TMC8: variants seen among roughly 807,000 people sequenced by gnomAD.
TMC8 encodes the protein transmembrane channel like 8.
A neutral mutation model predicts 76.0 loss-of-function variants in TMC8; 71 were observed. The observed-to-expected ratio is 0.93, with a 90% CI of 0.77 to 1.14. TMC8 has a LOEUF of 1.14. TMC8 is among the 50% of genes most tolerant of loss of function. TMC8 has a pLI of 0.00. For synonymous variants in TMC8, 433 were observed against 433.8 expected, an observed-to-expected ratio of 1.00 and a Z score of 0.02; for missense variants, 924 against 947.9, an observed-to-expected ratio of 0.97 and a Z score of 0.33.
chr17:78,130,945 C>A, intron 1 of TMC8, 94 bp downstream of exon 1: 1 of 165,252 alleles, frequency 6.1e-6, no homozygotes, highest in Non-Finnish European at 1.3e-5. Flanking sequence ...GTCCCTGCTC[C>A]TGTCCCCACG....
chr17:78,142,682 G>T lies in TMC8; in HGVS notation c.*1570G>T, dbSNP rs1032570235. ...TGAAAGTGACTCATGTTGTTAATTA[G>T]CGGCTTAGGGCCAAAGGTGGCCCCT... On this transcript the variant is annotated 3_prime_UTR_variant, in exon 16 of 16. Transcript: ENST00000318430. 1.3e-5 allele frequency: 2 copies of T among 152,278 alleles called. No individual in the cohort carries two copies. The highest frequency in any genetic ancestry group is 1.3e-4 in the Admixed American group (2 of 15,276). 9.4% of individuals were successfully genotyped at this position (152,278 alleles called of 1,614,324 possible).
intron 4 of TMC8, 87 bp downstream of exon 4, chr17:78,132,595 C>T: frequency 1.3e-6 from 2 of 1,546,228 alleles, no homozygotes; most frequent in African/African-American, 2.7e-5. Context: ...GTGGCGACAA[C>T]GCTGGGCGTG....
At chr17:78,132,962 TC>T in intron 5 of TMC8, 92 bp downstream of exon 5, 1 of 1,421,074 alleles carries the variant, frequency 7.0e-7, no homozygotes, top group Non-Finnish European at 9.9e-7. Flanking sequence ...CCTCTGCTCC[TC>T]CAGGGACATT....
intron 6 of TMC8, 81 bp from the exon 7 acceptor site, chr17:78,133,772 C>T: frequency 1.2e-6 from 2 of 1,602,712 alleles, no homozygotes; most frequent in South Asian, 1.1e-5. Context: ...GGGGCCTTCC[C>T]AGACCCAGAG....
At position 78,138,371 on chromosome 17, in the gene TMC8, G is replaced by C; in HGVS notation, c.1556G>C (p.Arg519Thr). The change falls in exon 13 of 16, where the codon AGG becomes ACG. Residue 519 changes from arginine to threonine, a missense_variant. Transcript: ENST00000318430. ...IKKYTLLKNS[R>T]ASSRPFRASS... ...CAGTACACCCTCCTGAAGAACTCCA[G>C]GGCATCTTCGCGGCCCTTCCGTGCC... is the stretch of plus-strand genomic sequence containing the variant. The C allele has an allele frequency of 6.2e-7, 1 of 1,611,416 alleles. No homozygotes were observed. The highest frequency in any genetic ancestry group is 1.3e-5 in the African/African-American group (1 of 75,042).
chr17:78,140,854 C>T lies in TMC8; in HGVS notation c.1923C>T (p.His641=). The T allele has an allele frequency of 1.2e-6, 2 of 1,609,598 alleles. No homozygotes were observed. The highest frequency in any genetic ancestry group is 1.7e-6 in the Non-Finnish European group (2 of 1,178,718). ...CACAGCAGGTTCAGGAGAAGTGGCA[C>T]CTGGTGGAGGACCTGTCGCGACTGC... ...QLVWQVQEKW[H]LVEDLSRLLP... The change falls in exon 16 of 16, where the codon CAC becomes CAT. Residue 641 remains histidine, a synonymous_variant. Coordinates refer to ENST00000318430, the MANE Select transcript of TMC8 (RefSeq NM_152468.5).
chr17:78,139,283 G>A lies in TMC8; in HGVS notation c.1902+43G>A, dbSNP rs747001989. On this transcript the variant is annotated intron_variant, in intron 15 of 15. Coordinates refer to ENST00000318430, the MANE Select transcript of TMC8 (RefSeq NM_152468.5). ...TGGTGAGGGGACAGCAGCTTCAGTGGAAACCCTTCCCTATGTGTGGCCGAG... is the reference window on the plus strand; with the variant it reads ...TGGTGAGGGGACAGCAGCTTCAGTGAAAACCCTTCCCTATGTGTGGCCGAG... 10 of 1,607,814 alleles carry A rather than the reference G, an allele frequency of 6.2e-6. No individual in the cohort carries two copies. In the African/African-American group the frequency reaches 1.3e-4, roughly 21 times the overall value.
Position 78,131,213 on chromosome 17 carries a change from C to T in TMC8, c.-308-68C>T, listed in dbSNP as rs1292731215. 5 of 375,652 alleles carry T rather than the reference C, an allele frequency of 1.3e-5. No individual in the cohort carries two copies. The Admixed American group carries it at 2.0e-4, about 15-fold the overall frequency. 23.3% of individuals were successfully genotyped at this position (375,652 alleles called of 1,614,324 possible). On this transcript the variant is annotated intron_variant, in intron 1 of 15. Transcript: ENST00000318430. ...CAGGTGGATGCGGGGTGCAGCAGGTCTTGGCTTTCTTTGCCTGTGCCGGTC... is the reference window on the plus strand; with the variant it reads ...CAGGTGGATGCGGGGTGCAGCAGGTTTTGGCTTTCTTTGCCTGTGCCGGTC...
chr17:78,135,075 G>C (rs539902688), intron 9 of TMC8, 66 bp downstream of exon 9: 1 of 1,606,234 alleles, frequency 6.2e-7, no homozygotes, highest in South Asian at 1.1e-5. Flanking sequence ...GCTCTCTTTT[G>C]GTTGTCACCT....
intron 9 of TMC8, chr17:78,136,776 C>G (rs185601088): frequency 5.2e-5 from 16 of 310,376 alleles, no homozygotes; most frequent in South Asian, 3.6e-4. Context: ...AAAACAGAAC[C>G]CTTGGCCAGG....
At chr17:78,137,078 A>G (rs1213899009) in intron 9 of TMC8, 157 bp from the exon 10 acceptor site, 1 of 1,152,878 alleles carries the variant, frequency 8.7e-7, no homozygotes, top group Non-Finnish European at 1.2e-6. Flanking sequence ...CTGAGAACGC[A>G]CTTTGGACCA....
Position 78,132,350 on chromosome 17 carries a change from C to A in TMC8, c.299-9C>A. 6.2e-7 allele frequency: 1 copy of A among 1,612,694 alleles called. No individual in the cohort carries two copies. The highest frequency in any genetic ancestry group is 8.5e-7 in the Non-Finnish European group (1 of 1,179,682). On this transcript the variant is annotated splice_polypyrimidine_tract_variant and intron_variant, in intron 3 of 15. Transcript: ENST00000318430. ...GGCCTCCCTGACCCACCCTGCTCTC[C>A]CACTGCAGGCCTCTTCGGCACAGGA...
chr17:78,131,793 C>CG, intron 2 of TMC8, 56 bp downstream of exon 2: 1 of 1,537,518 alleles, frequency 6.5e-7, no homozygotes, highest in African/African-American at 1.4e-5. Flanking sequence ...GAGGCTGCCC[C>CG]GTCGGATGGT....
chr17:78,134,989 G>C lies in TMC8; in HGVS notation c.1107G>C (p.Glu369Asp). 1 of 1,613,892 alleles carries C rather than the reference G, an allele frequency of 6.2e-7. No homozygotes were observed. The highest frequency in any genetic ancestry group is 1.1e-5 in the South Asian group (1 of 91,076). ...VQLENYPPNT[E>D]VNLTLIWCVV... The stretch of plus-strand genomic sequence containing the variant: ...TGGAGAACTACCCTCCCAACACGGA[G>C]GTCAACCTCACTCTGATCTGGTGAG... Residue 369 changes from glutamate (E) to aspartate (D), a missense_variant, in exon 9 of 16, where the codon GAG becomes GAC. Physicochemically the swap from Glu to Asp is conservative, Grantham distance 45. Coordinates refer to ENST00000318430, the MANE Select transcript of TMC8 (RefSeq NM_152468.5).
rs2075386534 is a variant in TMC8 at position 78,142,337 on chromosome 17, TC to T, written c.*1228del. On this transcript the variant is annotated 3_prime_UTR_variant, in exon 16 of 16. Transcript: ENST00000318430. ...AACTGTCAGGAGGGAAGGTCAGAAG[TC>T]CCAGGATGCACTTGAAAAGCCTCTA... is the stretch of plus-strand genomic sequence containing the variant. The T allele has an allele frequency of 6.6e-6, 1 of 152,198 alleles. No homozygotes were observed. Among genetic ancestry groups the T allele is most frequent in the Non-Finnish European group, 1.5e-5 (1 of 68,046 alleles). 9.4% of individuals were successfully genotyped at this position (152,198 alleles called of 1,614,324 possible).
intron 9 of TMC8, among the ~76,000 whole-genome samples, chr17:78,135,669 G>A (rs1434837286): frequency 6.6e-6 from 1 of 152,138 alleles, no homozygotes; most frequent in Non-Finnish European, 1.5e-5. Flanking sequence ...GCTCCCACTG[G>A]CTTCTCTCCC....
chr17:78,140,745 A>AT, intron 15 of TMC8, 89 bp from the exon 16 acceptor site: 3 of 1,528,982 alleles, frequency 2.0e-6, no homozygotes, highest in Non-Finnish European at 2.7e-6. Context: ...GGGCTGGCCC[A>AT]TGGGCCGCAG....
At chr17:78,132,995 T>C in intron 5 of TMC8, 125 bp downstream of exon 5, 3 of 1,115,812 alleles carry the variant, frequency 2.7e-6, no homozygotes, top group Non-Finnish European at 4.1e-6. Flanking sequence ...GGGGATGGTC[T>C]TACCTAGACA....
intron 9 of TMC8, 187 bp from the exon 10 acceptor site, chr17:78,137,040 TCCCATGAA>T: frequency 1.4e-6 from 1 of 740,484 alleles, no homozygotes; most frequent in Admixed American, 2.5e-5. Flanking sequence ...GAACCCTTTT[TCCCATGAA>T]TCGCCTGGAG....
Sources: gnomAD v4.1 joint callset for allele counts (sites outside exome capture counted in the v4.1 genomes callset) on GRCh38, gnomAD v4.1.1 for gene constraint, MANE v1.5 for transcripts, NCBI Gene and HGNC (gene_info 2026-07-23, HGNC 2026-07-21) for gene names.